The following CPNE5 variants were observed in gnomAD, a reference collection of about 807,000 sequenced individuals.
The protein encoded by CPNE5 is copine 5, also known as copine-5.
In CPNE5, 42 loss-of-function variants were observed where a neutral mutation model predicts 81.1. The observed-to-expected ratio is 0.52, with a 90% CI of 0.40 to 0.67. CPNE5 has a LOEUF of 0.67. Among genes scored for constraint, CPNE5 ranks in the 30% least tolerant of loss-of-function variants. The pLI is 0.00. For synonymous variants in CPNE5, 313 were observed against 321.5 expected (o/e 0.97, Z 0.28); for missense variants, 612 against 815.5 (o/e 0.75, Z 3.04).
At chr6:36,819,133 C>G (rs545778684) in intron 3 of CPNE5, among the ~76,000 whole-genome samples, 1 of 152,198 alleles carries the variant, frequency 6.6e-6, no homozygotes, top group Non-Finnish European at 1.5e-5. Flanking sequence ...GACAGGGTCT[C>G]GCTCTGTCAA....
chr6:36,762,145 C>T (rs1237304555), intron 12 of CPNE5, among the ~76,000 whole-genome samples: 1 of 145,300 alleles, frequency 6.9e-6, no homozygotes, highest in Non-Finnish European at 1.5e-5. Flanking sequence ...CCCAGCTACT[C>T]GGGAGGCTGA....
chr6:36,821,527 C>T (rs1448213563), intron 3 of CPNE5, among the ~76,000 whole-genome samples: 1 of 151,308 alleles, frequency 6.6e-6, no homozygotes, highest in Non-Finnish European at 1.5e-5. Flanking sequence ...CCCTCTCTCC[C>T]TACTCCCTGT....
At chr6:36,748,369 C>T in intron 14 of CPNE5, 102 bp from the exon 15 acceptor site, 3 of 1,032,678 alleles carry the variant, frequency 2.9e-6, no homozygotes, top group Non-Finnish European at 4.6e-6. Context: ...CTGCTGCTTG[C>T]CAGGTGTGTG....
intron 8 of CPNE5, among the ~76,000 whole-genome samples, chr6:36,785,250 CAG>C (rs1334430575): frequency 6.6e-6 from 1 of 151,974 alleles, no homozygotes; most frequent in Non-Finnish European, 1.5e-5. Flanking sequence ...GGTTGGAGGT[CAG>C]GGGGAGAACA....
At chr6:36,815,585 T>C (rs149145651) in intron 3 of CPNE5, among the ~76,000 whole-genome samples, 113 of 152,332 alleles carry the variant, frequency 7.4e-4, no homozygotes, top group African/African-American at 2.6e-3. Flanking sequence ...CCTCCAGAAC[T>C]GTGTAAATAA....
At chr6:36,749,714 G>A (rs1319116374) in intron 14 of CPNE5, among the ~76,000 whole-genome samples, 1 of 151,966 alleles carries the variant, frequency 6.6e-6, no homozygotes. Context: ...CTGAATGAAG[G>A]GTGGAGTGCA....
In CPNE5 at chr6:36,745,513, A is replaced by G. The variant is rs1398831732; in HGVS notation, c.1203T>C (p.Asn401=). 6.3e-7 allele frequency: 1 copy of G among 1,599,234 alleles called. No homozygotes were observed. The highest frequency in any genetic ancestry group is 2.3e-5 in the East Asian group (1 of 44,272). The change falls in exon 17 of 21, where the codon AAT becomes AAC. Residue 401 remains asparagine (N), a splice_region_variant and synonymous_variant. Transcript: ENST00000244751. ...DGRVSHEFPL[N]GNQENPSCCG... ...AGCATGAGGGGTTCTCCTGGTTGCC[A>G]TTCTGGGGGACAGAGGGCAGGGAGG... is the stretch of plus-strand genomic sequence containing the variant.
intron 1 of CPNE5, among the ~76,000 whole-genome samples, chr6:36,836,296 C>G (rs901350591): frequency 4.6e-5 from 7 of 152,314 alleles, no homozygotes; most frequent in African/African-American, 1.7e-4. Context: ...CTGTGCCAGG[C>G]AGCTTTGCTT....
At chr6:36,774,503 T>C (rs1263240385) in intron 10 of CPNE5, among the ~76,000 whole-genome samples, 1 of 152,218 alleles carries the variant, frequency 6.6e-6, no homozygotes, top group African/African-American at 2.4e-5. Flanking sequence ...TGGCCAGGAA[T>C]TGGGACCAGC....
rs35409136 is a variant in CPNE5 at position 36,831,638 on chromosome 6, CA to C, written c.95+7644del. Among the ~76,000 whole-genome samples the C allele has an allele frequency of 5.7e-3, 476 of 83,918 alleles. 1 individual carries two copies. Among genetic ancestry groups the C allele is most frequent in the Non-Finnish European group, 7.8e-3 (352 of 45,030 alleles). 55.1% of individuals were successfully genotyped at this position (83,918 alleles called of 152,430 possible). A position where few individuals can be genotyped will look rare whatever the true frequency, so the allele number is the denominator to read the frequency against. On this transcript the variant is annotated intron_variant, in intron 1 of 20. Coordinates refer to ENST00000244751, the MANE Select transcript of CPNE5 (RefSeq NM_020939.2). ...TGGGTGACAGAGTGAGACACCATCT[CA>C]AAAAAAAAAAAAAAAAAAGGCCTCT...
chr6:36,793,999 G>A (rs996136796), intron 7 of CPNE5, among the ~76,000 whole-genome samples: 3 of 152,126 alleles, frequency 2.0e-5, no homozygotes, highest in Non-Finnish European at 2.9e-5. Flanking sequence ...GAGGCTCTGC[G>A]TTGGCCACAT....
At chr6:36,791,085 G>T (rs1249105808) in intron 8 of CPNE5, among the ~76,000 whole-genome samples, 2 of 152,086 alleles carry the variant, frequency 1.3e-5, no homozygotes, top group African/African-American at 4.8e-5. Flanking sequence ...GGTAGCCCAG[G>T]CTTTGTTTAC....
At chr6:36,798,121 G>T (rs190300463) in intron 6 of CPNE5, 44 bp downstream of exon 6, 5 of 1,497,024 alleles carry the variant, frequency 3.3e-6, no homozygotes, top group Admixed American at 1.7e-5. Flanking sequence ...AGCAGAATGG[G>T]CGGGAAGTTG....
At chr6:36,782,859 AC>A (rs1768159797) in intron 8 of CPNE5, among the ~76,000 whole-genome samples, 1 of 151,298 alleles carries the variant, frequency 6.6e-6, no homozygotes, top group Non-Finnish European at 1.5e-5. Context: ...ACACACACAC[AC>A]ACACACACAA....
rs1345740335 is a variant in CPNE5 at position 36,746,453 on chromosome 6, G to T, written c.1143C>A (p.Ala381=). The stretch of plus-strand genomic sequence containing the variant: ...GGGGCAGCTTGGCCCCGAAGCCCAG[G>T]GCAGGGAACATCTTGTCACTGTCGT... The part of the protein sequence containing the change: ...QHYDSDKMFP[A]LGFGAKLPPD... The change falls in exon 16 of 21, where the codon GCC becomes GCA. Residue 381 remains alanine (A), a synonymous_variant. Transcript: ENST00000244751. The surrounding 1 kb of genome is among the most constrained non-coding windows in gnomAD (Gnocchi z 4.5). 2 of 1,613,476 alleles carry T rather than the reference G, an allele frequency of 1.2e-6. No individual in the cohort carries two copies. Among genetic ancestry groups the T allele is most frequent in the South Asian group, 2.2e-5 (2 of 91,056 alleles).
At chr6:36,786,332 G>A (rs1768548979) in intron 8 of CPNE5, among the ~76,000 whole-genome samples, 1 of 152,182 alleles carries the variant, frequency 6.6e-6, no homozygotes, top group Admixed American at 6.5e-5. Context: ...TTCATACACA[G>A]ATGGTGGGCA....
At chr6:36,792,171 C>T in intron 7 of CPNE5, 75 bp from the exon 8 acceptor site, 1 of 1,437,510 alleles carries the variant, frequency 7.0e-7, no homozygotes, top group Non-Finnish European at 9.8e-7. Flanking sequence ...CCTCAATCAG[C>T]CCCCTGCCCA....
Position 36,742,301 on chromosome 6 carries a change from C to T in CPNE5, c.1749G>A (p.Thr583=), listed in dbSNP as rs1409861855. The T allele has an allele frequency of 4.4e-6, 7 of 1,602,980 alleles. No individual in the cohort carries two copies. Among genetic ancestry groups the T allele is most frequent in the Admixed American group, 1.7e-5 (1 of 59,810 alleles). ...THSPSQSPAR[T]PPASPLHTHI ...GCGTGTGCAGGGGGGACGCAGGGGG[C>T]GTGCGGGCTGGGGACTGCGAGGGCG... The change falls in exon 21 of 21, where the codon ACG becomes ACA. Residue 583 remains threonine, a synonymous_variant. Transcript: ENST00000244751.
intron 14 of CPNE5, among the ~76,000 whole-genome samples, chr6:36,751,703 G>A (rs1232713307): frequency 6.6e-6 from 1 of 152,208 alleles, no homozygotes; most frequent in Non-Finnish European, 1.5e-5. Context: ...GCTGAGGCAG[G>A]AGAATTGCTT....
Sources: allele counts gnomAD v4.1 joint callset (sites outside exome capture counted in the v4.1 genomes callset), GRCh38; gene constraint gnomAD v4.1.1; non-coding constraint Gnocchi (gnomAD v3.1); transcripts MANE v1.5; gene names NCBI Gene and HGNC (gene_info 2026-07-23, HGNC 2026-07-21).